Variants in CLPB observed in about 807,000 individuals in gnomAD.
The protein encoded by CLPB is mitochondrial disaggregase.
Under a neutral mutation model 78.4 loss-of-function variants are expected in CLPB, and 40 were observed. The ratio of observed to expected loss-of-function variants is 0.51; its 90% CI spans 0.40 to 0.66. The LOEUF is 0.66. Among genes scored for constraint, CLPB ranks in the 30% least tolerant of loss-of-function variants. The pLI is 0.00. For synonymous variants in CLPB, 333 were observed against 348.0 expected, an observed-to-expected ratio of 0.96 and a Z score of 0.48; for missense variants, 780 against 886.9, an observed-to-expected ratio of 0.88 and a Z score of 1.53.
At chr11:72,372,838 A>G in intron 4 of CLPB, 1 of 1,228,136 alleles carries the variant, frequency 8.1e-7, no homozygotes, top group Non-Finnish European at 1.2e-6. Context: ...TAGTTAACTT[A>G]TACTGAGTAA....
rs1333838763 is a variant in CLPB at position 72,287,715 on chromosome 11, A to C, written c.*5652T>G. 6.6e-6 allele frequency: 1 copy of C among 152,234 alleles called. No homozygotes were observed. The highest frequency in any genetic ancestry group is 1.5e-5 in the Non-Finnish European group (1 of 68,046). The allele number at this position is 152,234 out of a possible 1,614,324, so 9.4% of individuals were successfully genotyped here. On this transcript the variant is annotated 3_prime_UTR_variant, in exon 16 of 16. Transcript: ENST00000538039. ...CCACCTTTCCAGTTTCTTCTTGGGT[A>C]ACCAACTGGCCTATTCAAACTATTT... is the stretch of plus-strand genomic sequence containing the variant.
chr11:72,354,492 C>A, intron 5 of CLPB: 1 of 390,658 alleles, frequency 2.6e-6, no homozygotes, highest in Non-Finnish European at 4.5e-6. Context: ...AGCAACTTAA[C>A]AGTCCTGGAA....
intron 5 of CLPB, among the ~76,000 whole-genome samples, chr11:72,348,028 T>A (rs1452683055): frequency 6.6e-6 from 1 of 152,216 alleles, no homozygotes; most frequent in Non-Finnish European, 1.5e-5. Flanking sequence ...AGGAAGACAG[T>A]TCTGTCAACA....
intron 5 of CLPB, chr11:72,353,028 G>A (rs114508746): frequency 6.6e-6 from 1 of 152,382 alleles, no homozygotes; most frequent in African/African-American, 2.4e-5. Context: ...GACAGCCTGA[G>A]GCACAGCTGA....
At chr11:72,417,182 G>A (rs1856050109) in intron 2 of CLPB, among the ~76,000 whole-genome samples, 1 of 152,178 alleles carries the variant, frequency 6.6e-6, no homozygotes, top group Non-Finnish European at 1.5e-5. Context: ...TCCATCAACT[G>A]ACAAATGACA....
At chr11:72,361,990 G>A (rs1041839279) in intron 4 of CLPB, among the ~76,000 whole-genome samples, 7 of 152,204 alleles carry the variant, frequency 4.6e-5, no homozygotes, top group African/African-American at 1.4e-4. Context: ...TGGCACAAAC[G>A]TCAGGAGAGT....
At chr11:72,381,609 G>A (rs757755972) in intron 3 of CLPB, among the ~76,000 whole-genome samples, 36 of 152,042 alleles carry the variant, frequency 2.4e-4, no homozygotes, top group Admixed American at 4.6e-4. Context: ...CCCCAGAACC[G>A]GCTGGGGCAT....
At chr11:72,313,768 C>A (rs1208017129) in intron 7 of CLPB, among the ~76,000 whole-genome samples, 2 of 152,156 alleles carry the variant, frequency 1.3e-5, no homozygotes, top group Non-Finnish European at 2.9e-5. Context: ...ATGAGGCATC[C>A]TTCACCTCAA....
At chr11:72,431,269 G>C (rs1408888256) in intron 1 of CLPB, among the ~76,000 whole-genome samples, 5 of 152,212 alleles carry the variant, frequency 3.3e-5, no homozygotes, top group African/African-American at 1.2e-4. Context: ...GGAGCCCTCT[G>C]TGCCCAGCCT....
Position 72,293,233 on chromosome 11 carries a change from G to T in CLPB, c.*134C>A. 8.9e-7 allele frequency: 1 copy of T among 1,126,434 alleles called. No homozygotes were observed. Among genetic ancestry groups the T allele is most frequent in the Middle Eastern group, 2.5e-4 (1 of 3,922 alleles). 69.8% of individuals were successfully genotyped at this position (1,126,434 alleles called of 1,614,324 possible). On this transcript the variant is annotated 3_prime_UTR_variant, in exon 16 of 16. Transcript: ENST00000538039. ...TGGGGCTGAGAAGGGGTCTTCATGG[G>T]CTGTGAGGAGGTAAGCAGGCCTGAG...
intron 2 of CLPB, among the ~76,000 whole-genome samples, chr11:72,403,423 T>C (rs1004899834): frequency 1.6e-4 from 25 of 152,348 alleles, no homozygotes; most frequent in African/African-American, 5.5e-4. Context: ...GAATGCTCTC[T>C]CCCGGCTCCT....
chr11:72,357,478 C>T (rs1279043547), intron 5 of CLPB, among the ~76,000 whole-genome samples: 1 of 151,916 alleles, frequency 6.6e-6, no homozygotes, highest in Non-Finnish European at 1.5e-5. Context: ...GGGTGGATCA[C>T]CTGAGGTTGA....
intron 11 of CLPB, among the ~76,000 whole-genome samples, chr11:72,298,252 A>G (rs1178809548): frequency 6.6e-6 from 1 of 152,060 alleles, no homozygotes; most frequent in Non-Finnish European, 1.5e-5. Context: ...GCTTGGGAGA[A>G]CTAGACTGGG....
chr11:72,384,984 T>A (rs922061579), intron 3 of CLPB, among the ~76,000 whole-genome samples: 1 of 152,094 alleles, frequency 6.6e-6, no homozygotes, highest in Admixed American at 6.6e-5. Context: ...AATGGACAGG[T>A]CATCCAGAAA....
At chr11:72,319,735 G>A (rs1167167994) in intron 6 of CLPB, among the ~76,000 whole-genome samples, 1 of 152,192 alleles carries the variant, frequency 6.6e-6, no homozygotes. Flanking sequence ...GTTCTTAGCA[G>A]AGTCTCTGGC....
intron 5 of CLPB, among the ~76,000 whole-genome samples, chr11:72,341,297 T>C (rs1343780521): frequency 6.6e-6 from 1 of 152,174 alleles, no homozygotes; most frequent in Non-Finnish European, 1.5e-5. Context: ...GGAGACTGGA[T>C]GGCCTTCCCA....
At chr11:72,424,248 C>T (rs1270789285) in intron 2 of CLPB, among the ~76,000 whole-genome samples, 3 of 152,220 alleles carry the variant, frequency 2.0e-5, no homozygotes, top group African/African-American at 7.2e-5. Context: ...CCAGAGAGAC[C>T]TGAGTATAGG....
intron 5 of CLPB, among the ~76,000 whole-genome samples, chr11:72,338,845 G>A (rs1950368127): frequency 6.6e-6 from 1 of 152,180 alleles, no homozygotes; most frequent in Admixed American, 6.5e-5. Context: ...TTCTTTATCA[G>A]GATGACCTAT....
At chr11:72,340,399 C>T (rs555603912) in intron 5 of CLPB, among the ~76,000 whole-genome samples, 40 of 152,264 alleles carry the variant, frequency 2.6e-4, no homozygotes, top group South Asian at 1.9e-3. Flanking sequence ...GGGATCGATA[C>T]GGAATTTATC....
Sources: gnomAD v4.1 joint callset for allele counts (sites outside exome capture counted in the v4.1 genomes callset) on GRCh38, gnomAD v4.1.1 for gene constraint, MANE v1.5 for transcripts, NCBI Gene and HGNC (gene_info 2026-07-23, HGNC 2026-07-21) for gene names.